PRKCA: variants seen among roughly 807,000 people sequenced by gnomAD.
PRKCA encodes the protein protein kinase C alpha, also known as protein kinase C alpha type.
A neutral mutation model predicts 87.0 loss-of-function variants in PRKCA; 27 were observed. The ratio of observed to expected loss-of-function variants is 0.31; its 90% CI spans 0.23 to 0.43. The LOEUF is 0.43. Ranked by LOEUF, PRKCA falls within the 20% of genes least tolerant of loss-of-function variation. The pLI, the probability that PRKCA is intolerant of heterozygous loss-of-function variation, is 1.00. For synonymous variants in PRKCA, 329 were observed against 311.1 expected, an observed-to-expected ratio of 1.06 and a Z score of -0.61; for missense variants, 518 against 852.3, an observed-to-expected ratio of 0.61 and a Z score of 4.88.
At chr17:66,487,482 G>A (rs1040824526) in intron 2 of PRKCA, among the ~76,000 whole-genome samples, 2 of 151,258 alleles carry the variant, frequency 1.3e-5, no homozygotes, top group African/African-American at 2.4e-5. Context: ...CAGTGAATAT[G>A]GGATTACAGA....
At position 66,384,071 on chromosome 17, in the gene PRKCA, C is replaced by T. The variant is rs948366195; in HGVS notation, c.205+77944C>T. 6.6e-5 allele frequency among the ~76,000 whole-genome samples: 10 copies of T among 152,208 alleles called. No individual in the cohort carries two copies. The East Asian group carries it at 1.4e-3, about 21-fold the overall frequency. On this transcript the variant is annotated intron_variant, in intron 2 of 16. Transcript: ENST00000413366. ...AGTTATTTGTGTATTTAATGGGGCA[C>T]CTAGCACTATGACATTTCATATATG...
chr17:66,579,803 G>A (rs1380429893), intron 3 of PRKCA, among the ~76,000 whole-genome samples: 1 of 152,176 alleles, frequency 6.6e-6, no homozygotes, highest in Non-Finnish European at 1.5e-5. Flanking sequence ...ATCAGACTTG[G>A]TTGGGAGGAC....
intron 10 of PRKCA, 131 bp downstream of exon 10, chr17:66,735,793 G>T: frequency 9.6e-7 from 1 of 1,047,000 alleles, no homozygotes; most frequent in Non-Finnish European, 1.4e-6. Flanking sequence ...AAGCAGAGGT[G>T]ACTGGGGACC....
intron 2 of PRKCA, among the ~76,000 whole-genome samples, chr17:66,418,067 T>C (rs780474243): frequency 5.3e-5 from 8 of 152,124 alleles, no homozygotes; most frequent in Admixed American, 6.5e-5. Context: ...GTAAACTTTT[T>C]GGTGCGCGTG....
At chr17:66,505,358 C>T (rs958076178) in intron 3 of PRKCA, among the ~76,000 whole-genome samples, 5 of 152,082 alleles carry the variant, frequency 3.3e-5, no homozygotes, top group South Asian at 2.1e-4. Flanking sequence ...GTATTTGCCC[C>T]GTTGTCTGCA....
chr17:66,794,499 C>T (rs1975616392), intron 16 of PRKCA, among the ~76,000 whole-genome samples: 1 of 151,272 alleles, frequency 6.6e-6, no homozygotes, highest in Non-Finnish European at 1.5e-5. Flanking sequence ...CAATTTCAGA[C>T]TTGTGGAAGG....
chr17:66,331,484 C>T (rs1056270468), intron 2 of PRKCA, among the ~76,000 whole-genome samples: 4 of 152,176 alleles, frequency 2.6e-5, no homozygotes. Flanking sequence ...TGGCTTAACA[C>T]TACAGAGGTC....
At chr17:66,551,875 A>G (rs1340842541) in intron 3 of PRKCA, among the ~76,000 whole-genome samples, 4 of 152,222 alleles carry the variant, frequency 2.6e-5, no homozygotes, top group African/African-American at 9.6e-5. Flanking sequence ...TCTGAAGTGC[A>G]TAGTTTAATG....
At chr17:66,795,919 T>C (rs1453993868) in intron 16 of PRKCA, among the ~76,000 whole-genome samples, 1 of 152,228 alleles carries the variant, frequency 6.6e-6, no homozygotes, top group East Asian at 1.9e-4. Flanking sequence ...ATTTAATGTG[T>C]GGCTTATGGC....
At chr17:66,706,324 A>G (rs1263306257) in intron 8 of PRKCA, among the ~76,000 whole-genome samples, 2 of 152,152 alleles carry the variant, frequency 1.3e-5, no homozygotes, top group African/African-American at 4.8e-5. Flanking sequence ...GCTTTTGTAT[A>G]TACAGTCTAT....
intron 2 of PRKCA, among the ~76,000 whole-genome samples, chr17:66,473,366 T>A (rs1477354446): frequency 6.6e-6 from 1 of 152,144 alleles, no homozygotes. Flanking sequence ...TGAAACACTC[T>A]CCTACCCATC....
At chr17:66,391,131 C>T (rs980371668) in intron 2 of PRKCA, among the ~76,000 whole-genome samples, 6 of 152,236 alleles carry the variant, frequency 3.9e-5, no homozygotes, top group East Asian at 3.9e-4. Flanking sequence ...CTGCGTGCTG[C>T]GAGTCCTGAA....
At chr17:66,679,379 C>T (rs1972429139) in intron 5 of PRKCA, among the ~76,000 whole-genome samples, 1 of 152,102 alleles carries the variant, frequency 6.6e-6, no homozygotes, top group South Asian at 2.1e-4. Flanking sequence ...GATGGGGTTT[C>T]ACCGTGTTAG....
At chr17:66,617,853 T>G (rs759115) in intron 3 of PRKCA, among the ~76,000 whole-genome samples, 130,772 of 152,128 alleles carry the variant, frequency 0.86, 56,468 homozygotes, top group African/African-American at 0.95. Context: ...CATTCTTATT[T>G]TTTTGAACCA....
chr17:66,627,486 A>G (rs548402287), intron 3 of PRKCA, among the ~76,000 whole-genome samples: 4 of 152,350 alleles, frequency 2.6e-5, no homozygotes, highest in South Asian at 4.1e-4. Flanking sequence ...ATACTTTTGC[A>G]TGCTCTGTGA....
chr17:66,775,174 G>GC (rs1975018465), intron 14 of PRKCA: 18 of 962,570 alleles, frequency 1.9e-5, no homozygotes, highest in Non-Finnish European at 2.1e-5. Context: ...TGTGGTCAGT[G>GC]CCCACCCCCA....
At chr17:66,472,028 C>G (rs1365937868) in intron 2 of PRKCA, among the ~76,000 whole-genome samples, 3 of 152,206 alleles carry the variant, frequency 2.0e-5, no homozygotes, top group Admixed American at 6.5e-5. Flanking sequence ...GTGGCTCCAT[C>G]ATAGATCACT....
intron 3 of PRKCA, among the ~76,000 whole-genome samples, chr17:66,497,002 A>G (rs758060102): frequency 2.7e-4 from 41 of 152,198 alleles, no homozygotes; most frequent in Non-Finnish European, 5.4e-4. Context: ...CTTTGGGCCA[A>G]TGTAACAAAC....
At chr17:66,773,963 A>G (rs753847016) in intron 13 of PRKCA, 24 bp from the exon 14 acceptor site, 1 of 1,613,660 alleles carries the variant, frequency 6.2e-7, no homozygotes, top group South Asian at 1.1e-5. Context: ...CACTAATGTA[A>G]TTGATGTGTT....
Sources: allele counts gnomAD v4.1 joint callset (sites outside exome capture counted in the v4.1 genomes callset), GRCh38; gene constraint gnomAD v4.1.1; transcripts MANE v1.5; gene names NCBI Gene and HGNC (gene_info 2026-07-23, HGNC 2026-07-21).